KRT80: variants seen among roughly 807,000 people sequenced by gnomAD.
The protein encoded by KRT80 is keratin 80, also known as keratin, type II cytoskeletal 80.
In KRT80, 36 loss-of-function variants were observed where a neutral mutation model predicts 51.5. The ratio of observed to expected loss-of-function variants is 0.70; its 90% CI spans 0.54 to 0.92. The LOEUF (loss-of-function observed/expected upper bound fraction) is 0.92, where lower values mean the gene tolerates loss of function less well. Among genes scored for constraint, KRT80 ranks in the 40% least tolerant of loss-of-function variants. The probability of loss-of-function intolerance (pLI) is 0.00; values close to 1 mark genes in which losing one functional copy is unlikely to be tolerated. For synonymous variants in KRT80, 235 were observed against 248.3 expected (o/e 0.95, Z 0.50); for missense variants, 566 against 591.7 (o/e 0.96, Z 0.45).
intron 4 of KRT80, among the ~76,000 whole-genome samples, chr12:52,176,343 G>A (rs1941220968): frequency 6.6e-6 from 1 of 152,218 alleles, no homozygotes; most frequent in African/African-American, 2.4e-5. Flanking sequence ...TCCCTTAGGA[G>A]GCTGCTGTGC....
chr12:52,180,324 C>A (rs1195448879), intron 4 of KRT80, among the ~76,000 whole-genome samples, 189 bp downstream of exon 4: 1 of 152,098 alleles, frequency 6.6e-6, no homozygotes, highest in Non-Finnish European at 1.5e-5. Context: ...AGATGAATGT[C>A]CAGGGGTCAT....
At chr12:52,175,034 CCTT>C (rs1941195881) in intron 4 of KRT80, among the ~76,000 whole-genome samples, 1 of 152,096 alleles carries the variant, frequency 6.6e-6, no homozygotes, top group Non-Finnish European at 1.5e-5. Flanking sequence ...ACATCATGCT[CCTT>C]CTGGCATTCA....
chr12:52,189,924 T>C (rs1369611343), intron 1 of KRT80, among the ~76,000 whole-genome samples: 1 of 152,186 alleles, frequency 6.6e-6, no homozygotes, highest in Non-Finnish European at 1.5e-5. Context: ...GTGCTGGCGT[T>C]TGAGGGAGAA....
At chr12:52,190,003 G>A (rs1343063886) in intron 1 of KRT80, among the ~76,000 whole-genome samples, 1 of 152,212 alleles carries the variant, frequency 6.6e-6, no homozygotes. Flanking sequence ...ACTGGGTTTG[G>A]TCAGGAGGTG....
intron 1 of KRT80, among the ~76,000 whole-genome samples, chr12:52,187,207 T>G (rs1016384670): frequency 1.3e-5 from 2 of 152,222 alleles, no homozygotes; most frequent in Admixed American, 1.3e-4. Context: ...ACCAGCCCAG[T>G]GATGCTCCCT....
Position 52,180,955 on chromosome 12 carries a change from T to A in KRT80, c.518A>T (p.Asp173Val), listed in dbSNP as rs1313240410. 2 of 1,526,344 alleles carry A rather than the reference T, an allele frequency of 1.3e-6. No homozygotes were observed. The highest frequency in any genetic ancestry group is 1.4e-5 in the African/African-American group (1 of 71,858). The allele number at this position is 1,526,344 out of a possible 1,614,324, so 94.6% of individuals were successfully genotyped here. Residue 173 changes from aspartate to valine, a missense_variant, in exon 3 of 9, where the codon GAT (aspartate) becomes GTT (valine). Asp to Val is a radical substitution (Grantham distance 152). Transcript: ENST00000394815. ...KVEEFRIRYE[D>V]EISKRTDMEF... ...CATGTCTGTGCGCTTGGAGATCTCA[T>A]CCTCATACCTGGGAGGGAGAGAGGG...
chr12:52,191,503 G>A (rs1941479950), intron 1 of KRT80, 100 bp downstream of exon 1: 2 of 1,209,392 alleles, frequency 1.7e-6, no homozygotes, highest in Non-Finnish European at 2.3e-6. Flanking sequence ...GCTGGGTGCA[G>A]GGGTGGGGCG....
chr12:52,190,381 G>A (rs1188034349), intron 1 of KRT80, among the ~76,000 whole-genome samples: 1 of 152,204 alleles, frequency 6.6e-6, no homozygotes, highest in Non-Finnish European at 1.5e-5. Context: ...GCCACTGCAG[G>A]GTGGCAGTGT....
intron 2 of KRT80, among the ~76,000 whole-genome samples, chr12:52,183,677 A>G (rs1042992527): frequency 6.6e-6 from 1 of 152,242 alleles, no homozygotes; most frequent in African/African-American, 2.4e-5. Context: ...CCAGATTAAA[A>G]CAACAGGTAG....
intron 4 of KRT80, among the ~76,000 whole-genome samples, chr12:52,180,237 G>T (rs1176791932): frequency 6.6e-6 from 1 of 152,222 alleles, no homozygotes; most frequent in Admixed American, 6.5e-5. Flanking sequence ...TCCCCAGCAT[G>T]CCCTCAGTAC....
rs1480854534 is a variant in KRT80 at position 52,172,441 on chromosome 12, A to G, written c.958-23T>C. The G allele has an allele frequency of 1.9e-6, 3 of 1,597,426 alleles. No individual in the cohort carries two copies. In the Admixed American group the frequency reaches 5.0e-5, roughly 27 times the overall value. ...GCACTGCAGCCAGGAGGACAGAGTG[A>G]AAGGGCCTGTGAGCAGGGGAAGGAG... On this transcript the variant is annotated intron_variant, in intron 6 of 8. Coordinates refer to ENST00000394815, the MANE Select transcript of KRT80 (RefSeq NM_182507.3).
chr12:52,175,624 T>C (rs1356509362), intron 4 of KRT80, among the ~76,000 whole-genome samples: 1 of 152,036 alleles, frequency 6.6e-6, no homozygotes. Flanking sequence ...ACAAGGATGG[T>C]GCGGTAGTGG....
intron 4 of KRT80, among the ~76,000 whole-genome samples, chr12:52,178,876 A>G (rs1415764257): frequency 6.6e-6 from 1 of 151,990 alleles, no homozygotes; most frequent in Non-Finnish European, 1.5e-5. Flanking sequence ...GAAATAGTAA[A>G]AAAAAAAAAC....
chr12:52,183,293 TC>T (rs1256381297), intron 2 of KRT80, among the ~76,000 whole-genome samples: 13 of 152,170 alleles, frequency 8.5e-5, no homozygotes, highest in Non-Finnish European at 1.6e-4. Context: ...AGCCACCAGC[TC>T]CCAAACCCAT....
In KRT80 at chr12:52,171,445, C is replaced by T. The variant is rs778323464; in HGVS notation, c.1312G>A (p.Glu438Lys). 2.8e-5 allele frequency: 45 copies of T among 1,612,456 alleles called. No homozygotes were observed. The highest frequency in any genetic ancestry group is 2.2e-4 in the East Asian group (10 of 44,838). Reference sequence around the variant, plus strand: ...TGCGAGAAGTACTTCTCTGACATTTCGGTGATTTTGATCACGGGGCCTTTG... The same window carrying T: ...TGCGAGAAGTACTTCTCTGACATTTTGGTGATTTTGATCACGGGGCCTTTG... ...GSKGPVIKIT[E>K]MSEKYFSQES... Residue 438 changes from glutamate to lysine, a missense_variant, in exon 9 of 9, where the codon GAA becomes AAA. Glu to Lys is a moderately conservative substitution (Grantham distance 56). Transcript: ENST00000394815.
At chr12:52,172,484 G>A in intron 6 of KRT80, 66 bp from the exon 7 acceptor site, 3 of 1,455,258 alleles carry the variant, frequency 2.1e-6, no homozygotes, top group African/African-American at 1.4e-5. Context: ...CCAGGGCCAG[G>A]AGTCGTCTCT....
Position 52,171,454 on chromosome 12 carries a change from T to C in KRT80, c.1303A>G (p.Lys435Glu), listed in dbSNP as rs75380871. The C allele has an allele frequency of 1.2e-6, 2 of 1,612,878 alleles. No individual in the cohort carries two copies. Among genetic ancestry groups the C allele is most frequent in the Admixed American group, 1.7e-5 (1 of 59,874 alleles). ...KKKGSKGPVI[K>E]ITEMSEKYFS... ...TACTTCTCTGACATTTCGGTGATTT[T>C]GATCACGGGGCCTTTGCTGCCCTTC... Residue 435 changes from lysine to glutamate, a missense_variant, in exon 9 of 9, where the codon AAA (lysine) becomes GAA (glutamate). By Grantham distance (56) the Lys-to-Glu change is moderately conservative. Transcript: ENST00000394815.
intron 4 of KRT80, among the ~76,000 whole-genome samples, chr12:52,180,075 G>A (rs1941293855): frequency 2.0e-5 from 3 of 152,202 alleles, no homozygotes; most frequent in Admixed American, 1.3e-4. Flanking sequence ...TGGGGAAAAC[G>A]GAAAGGCAGG....
intron 2 of KRT80, among the ~76,000 whole-genome samples, chr12:52,182,923 A>G (rs949380650): frequency 3.9e-5 from 6 of 152,170 alleles, no homozygotes; most frequent in Middle Eastern, 3.2e-3. Context: ...CCTTAAGACC[A>G]ATACTGTTTC....
Sources: allele counts gnomAD v4.1 joint callset (sites outside exome capture counted in the v4.1 genomes callset), GRCh38; gene constraint gnomAD v4.1.1; transcripts MANE v1.5; gene names NCBI Gene and HGNC (gene_info 2026-07-23, HGNC 2026-07-21).